PIK3CA: variants seen among roughly 807,000 people sequenced by gnomAD.
PIK3CA encodes the protein phosphatidylinositol 4,5-bisphosphate 3-kinase catalytic subunit alpha isoform.
A neutral mutation model predicts 138.2 loss-of-function variants in PIK3CA; 27 were observed. That is an observed-to-expected ratio of 0.20 (90% confidence interval 0.14 to 0.27). The LOEUF is 0.27. Among genes scored for constraint, PIK3CA ranks in the 10% least tolerant of loss-of-function variants. PIK3CA has a pLI of 1.00. For missense variants in PIK3CA, 544 were observed against 1,277.4 expected, an observed-to-expected ratio of 0.43 and a Z score of 8.75; for synonymous variants, 358 against 413.2, an observed-to-expected ratio of 0.87 and a Z score of 1.62.
chr3:179,224,575 A>T, intron 15 of PIK3CA, 125 bp from the exon 16 acceptor site: 1 of 543,698 alleles, frequency 1.8e-6, no homozygotes, highest in Non-Finnish European at 3.0e-6. Flanking sequence ...ATAAAAATTG[A>T]GGTGAAAGTT....
At chr3:179,229,901 T>C in intron 18 of PIK3CA, 103 bp from the exon 19 acceptor site, 4 of 677,018 alleles carry the variant, frequency 5.9e-6, no homozygotes, top group Non-Finnish European at 1.0e-5. Context: ...TGTCAGTGAT[T>C]GTTTTCATTG....
chr3:179,202,617 G>T (rs909287801), intron 4 of PIK3CA, among the ~76,000 whole-genome samples: 6 of 152,130 alleles, frequency 3.9e-5, no homozygotes, highest in Non-Finnish European at 8.8e-5. Context: ...TGGGGCTTAT[G>T]GGTAAGAAAA....
At chr3:179,227,097 A>G (rs1364696409) in intron 17 of PIK3CA, among the ~76,000 whole-genome samples, 1 of 152,064 alleles carries the variant, frequency 6.6e-6, no homozygotes, top group Non-Finnish European at 1.5e-5. Flanking sequence ...ATGACTTTGC[A>G]AAAAAGCATC....
chr3:179,173,663 A>G (rs1723621833), intron 1 of PIK3CA, among the ~76,000 whole-genome samples: 1 of 152,176 alleles, frequency 6.6e-6, no homozygotes, highest in African/African-American at 2.4e-5. Context: ...TTACCCCAGT[A>G]ATTACCTACG....
intron 1 of PIK3CA, among the ~76,000 whole-genome samples, chr3:179,169,852 T>C (rs540373813): frequency 3.3e-5 from 5 of 152,244 alleles, no homozygotes; most frequent in African/African-American, 7.2e-5. Context: ...CAATCTCACT[T>C]AAAGTATTAG....
intron 6 of PIK3CA, among the ~76,000 whole-genome samples, chr3:179,206,767 T>G (rs1724571899): frequency 6.6e-6 from 1 of 151,868 alleles, no homozygotes; most frequent in Admixed American, 6.6e-5. Context: ...ATACAAAAAA[T>G]TAGCCTGGGA....
intron 9 of PIK3CA, among the ~76,000 whole-genome samples, chr3:179,217,910 C>T (rs1294880305): frequency 6.6e-6 from 1 of 151,922 alleles, no homozygotes; most frequent in Non-Finnish European, 1.5e-5. Context: ...TGTTCACTAC[C>T]ATCCTCTAGT....
chr3:179,221,366 C>A (rs984217715), intron 14 of PIK3CA, among the ~76,000 whole-genome samples: 4 of 152,064 alleles, frequency 2.6e-5, no homozygotes, highest in African/African-American at 9.7e-5. Context: ...GGAAATAATA[C>A]CTGCTTCATA....
chr3:179,196,042 G>T (rs1012474390), intron 1 of PIK3CA, among the ~76,000 whole-genome samples: 1 of 152,144 alleles, frequency 6.6e-6, no homozygotes, highest in Non-Finnish European at 1.5e-5. Flanking sequence ...TGAAAAGGGT[G>T]TGTCTTGAGT....
chr3:179,210,366 T>C lies in PIK3CA; in HGVS notation c.1404+28T>C. On this transcript the variant is annotated intron_variant, in intron 8 of 20. Transcript: ENST00000263967. ...AAGGTTTTTATTGTCATAAATTAGA[T>C]ATTTTTTATGGCAGTCAAACCTTCT... 4 of 1,583,798 alleles carry C rather than the reference T, an allele frequency of 2.5e-6. No homozygotes were observed. In the South Asian group the frequency reaches 4.7e-5, roughly 18 times the overall value.
Position 179,218,278 on chromosome 3 carries a change from A to G in PIK3CA, c.1608A>G (p.Thr536=), listed in dbSNP as rs1724887126. 6.2e-7 allele frequency: 1 copy of G among 1,611,578 alleles called. No individual in the cohort carries two copies. Among genetic ancestry groups the G allele is most frequent in the African/African-American group, 1.3e-5 (1 of 74,848 alleles). The change falls in exon 10 of 21, where the codon ACA becomes ACG. Residue 536 remains threonine (T), a synonymous_variant. Transcript: ENST00000263967. ...AAGAACAGCTCAAAGCAATTTCTAC[A>G]CGAGATCCTCTCTCTGAAATCACTG... ...NDKEQLKAIS[T]RDPLSEITEQ...
At position 179,236,095 on chromosome 3, in the gene PIK3CA, T is replaced by C. The variant is rs551646555; in HGVS notation, c.*1731T>C. Reference sequence around the variant, plus strand: ...GTAAAACAGCATCACTTTAAAAATATTCATTTATGAAATCTGTTACCTATA... The same window carrying C: ...GTAAAACAGCATCACTTTAAAAATACTCATTTATGAAATCTGTTACCTATA... On this transcript the variant is annotated 3_prime_UTR_variant, in exon 21 of 21. Coordinates refer to ENST00000263967, the MANE Select transcript of PIK3CA (RefSeq NM_006218.4). 9.7e-6 allele frequency: 2 copies of C among 205,580 alleles called. No individual in the cohort carries two copies. Among genetic ancestry groups the C allele is most frequent in the South Asian group, 1.9e-4 (1 of 5,298 alleles). 12.7% of individuals were successfully genotyped at this position (205,580 alleles called of 1,614,324 possible). A position where few individuals can be genotyped will look rare whatever the true frequency, so the allele number is the denominator to read the frequency against.
intron 1 of PIK3CA, among the ~76,000 whole-genome samples, chr3:179,164,766 G>A (rs1315829333): frequency 6.6e-6 from 1 of 152,036 alleles, no homozygotes; most frequent in Non-Finnish European, 1.5e-5. Context: ...CTACTCAGAA[G>A]GCTGAGGCAG....
rs868153569 is a variant in PIK3CA, at chr3:179,227,889, A to G, written c.2496-1383A>G. Among the ~76,000 whole-genome samples the G allele has an allele frequency of 3.3e-5, 5 of 152,208 alleles. No homozygotes were observed. In the South Asian group the frequency reaches 1.0e-3, roughly 32 times the overall value. The stretch of plus-strand genomic sequence containing the variant: ...ATAAATGAGAGGTACCCTAAAAAGC[A>G]TTTGTGCCACATCCCAAGTATTATG... On this transcript the variant is annotated intron_variant, in intron 17 of 20. Coordinates refer to ENST00000263967, the MANE Select transcript of PIK3CA (RefSeq NM_006218.4).
chr3:179,173,524 A>G (rs958538982), intron 1 of PIK3CA, among the ~76,000 whole-genome samples: 2 of 149,440 alleles, frequency 1.3e-5, no homozygotes, highest in Non-Finnish European at 3.0e-5. Context: ...GCTTGCAGTG[A>G]GCCTATATCG....
chr3:179,178,261 CAAAAAAAA>C (rs60887179), intron 1 of PIK3CA, among the ~76,000 whole-genome samples: 1 of 79,888 alleles, frequency 1.3e-5, no homozygotes, highest in African/African-American at 3.8e-5. Flanking sequence ...CTCTAAAGAT[CAAAAAAAA>C]AAAAAAAAAA....
At chr3:179,149,000 C>T (rs1355095444) in intron 1 of PIK3CA, among the ~76,000 whole-genome samples, 1 of 152,108 alleles carries the variant, frequency 6.6e-6, no homozygotes, top group Non-Finnish European at 1.5e-5. Flanking sequence ...GCGAGGACTG[C>T]GGCTCAAGGG....
At chr3:179,190,140 G>A (rs1282599274) in intron 1 of PIK3CA, among the ~76,000 whole-genome samples, 1 of 152,098 alleles carries the variant, frequency 6.6e-6, no homozygotes, top group African/African-American at 2.4e-5. Flanking sequence ...GAGTGCTTTT[G>A]ATTTTTCTTT....
intron 1 of PIK3CA, among the ~76,000 whole-genome samples, chr3:179,180,852 A>G (rs1723823777): frequency 6.6e-6 from 1 of 152,198 alleles, no homozygotes; most frequent in African/African-American, 2.4e-5. Context: ...CTTTTAATTA[A>G]TGAAGATGTT....
Sources: gnomAD v4.1 joint callset for allele counts (sites outside exome capture counted in the v4.1 genomes callset) on GRCh38, gnomAD v4.1.1 for gene constraint, MANE v1.5 for transcripts, NCBI Gene and HGNC (gene_info 2026-07-23, HGNC 2026-07-21) for gene names.